The following FRMD3 variants were observed in gnomAD, a reference collection of about 807,000 sequenced individuals.
The protein encoded by FRMD3 is FERM domain-containing protein 3.
In FRMD3, 33 loss-of-function variants were observed where a neutral mutation model predicts 70.2. The ratio of observed to expected loss-of-function variants is 0.47; its 90% CI spans 0.36 to 0.63. The LOEUF is 0.63. Ranked by LOEUF, FRMD3 falls within the 20% of genes least tolerant of loss-of-function variation. The pLI is 0.00. For missense variants in FRMD3, 632 were observed against 711.4 expected (o/e 0.89, Z 1.27); for synonymous variants, 279 against 255.9 (o/e 1.09, Z -0.86).
At chr9:83,514,560 C>T (rs1829412753) in intron 1 of FRMD3, among the ~76,000 whole-genome samples, 1 of 152,204 alleles carries the variant, frequency 6.6e-6, no homozygotes, top group Admixed American at 6.5e-5. Context: ...AACGTTCCAG[C>T]CTGCCAACTC....
chr9:83,467,671 T>G (rs2131452480), intron 1 of FRMD3: 1 of 1,535,332 alleles, frequency 6.5e-7, no homozygotes, highest in East Asian at 2.4e-5. Flanking sequence ...CAAAAAGGAT[T>G]TGCAGTGCCG....
intron 1 of FRMD3, among the ~76,000 whole-genome samples, chr9:83,399,318 C>A (rs1405664374): frequency 6.6e-6 from 1 of 152,194 alleles, no homozygotes; most frequent in East Asian, 1.9e-4. Context: ...CTACTGCGTA[C>A]TGTGGCTTTC....
At chr9:83,347,206 A>G (rs1017640006) in intron 4 of FRMD3, among the ~76,000 whole-genome samples, 4 of 152,234 alleles carry the variant, frequency 2.6e-5, no homozygotes, top group Non-Finnish European at 2.9e-5. Context: ...GGCTGTGCCC[A>G]TATCAGTGAT....
At chr9:83,506,154 A>G (rs1371587975) in intron 1 of FRMD3, among the ~76,000 whole-genome samples, 3 of 152,318 alleles carry the variant, frequency 2.0e-5, no homozygotes, top group South Asian at 4.1e-4. Flanking sequence ...AAATTCCCAA[A>G]GCCTCTAAAT....
At chr9:83,544,160 G>C in the FRMD3 span, among the ~76,000 whole-genome samples, 8 of 152,210 alleles carry the variant, frequency 5.3e-5, no homozygotes, top group Non-Finnish European at 7.3e-5. Context: ...TTTCAGCAGA[G>C]AGCCACAGGA....
chr9:83,452,268 G>C (rs1345192397), intron 1 of FRMD3, among the ~76,000 whole-genome samples: 1 of 152,168 alleles, frequency 6.6e-6, no homozygotes, highest in African/African-American at 2.4e-5. Context: ...GAATGAGTTG[G>C]CCCGATCTCT....
the FRMD3 span, among the ~76,000 whole-genome samples, chr9:83,580,136 T>A: frequency 3.8e-3 from 576 of 152,080 alleles, 12 homozygotes; most frequent in Non-Finnish European, 9.4e-4. Flanking sequence ...AGATAACAAG[T>A]GTTGGTGAGG....
intron 1 of FRMD3, among the ~76,000 whole-genome samples, chr9:83,463,462 TAAAAGGGTGGAAAGCCCCTC>T (rs1828033135): frequency 6.6e-6 from 1 of 151,556 alleles, no homozygotes; most frequent in African/African-American, 2.4e-5. Flanking sequence ...AAAGAATGAG[TAAAAGGGTGGAAAGCCCCTC>T]ACAAAGCCAT....
chr9:83,399,483 T>C (rs1328883063), intron 1 of FRMD3, among the ~76,000 whole-genome samples: 2 of 90,178 alleles, frequency 2.2e-5, no homozygotes, highest in Non-Finnish European at 5.1e-5. Context: ...AGGTTCTTTC[T>C]TCTCCATCTT....
chr9:83,488,757 G>A (rs1318696121), intron 1 of FRMD3, among the ~76,000 whole-genome samples: 1 of 152,118 alleles, frequency 6.6e-6, no homozygotes, highest in Non-Finnish European at 1.5e-5. Context: ...AGGCCTAACT[G>A]GGACCATCAA....
intron 12 of FRMD3, among the ~76,000 whole-genome samples, chr9:83,295,872 A>G (rs1466942549): frequency 2.0e-5 from 3 of 152,174 alleles, no homozygotes; most frequent in South Asian, 2.1e-4. Flanking sequence ...CTTGTCATCA[A>G]TGATGATCAG....
At chr9:83,535,794 C>G (rs773800856) in intron 1 of FRMD3, among the ~76,000 whole-genome samples, 4 of 152,118 alleles carry the variant, frequency 2.6e-5, no homozygotes, top group Non-Finnish European at 5.9e-5. Context: ...CAGATGTGGG[C>G]TATGGAGAGA....
chr9:83,342,671 A>G (rs554943042), intron 5 of FRMD3, among the ~76,000 whole-genome samples: 1 of 148,574 alleles, frequency 6.7e-6, no homozygotes, highest in East Asian at 2.0e-4. Flanking sequence ...GATAGGATGG[A>G]TGGATGGATG....
At chr9:83,418,128 A>G (rs1322313416) in intron 1 of FRMD3, among the ~76,000 whole-genome samples, 1 of 151,904 alleles carries the variant, frequency 6.6e-6, no homozygotes, top group South Asian at 2.1e-4. Flanking sequence ...TGGGGGGGAT[A>G]TTTCAAATTA....
chr9:83,304,827 T>C (rs181755434), intron 10 of FRMD3, among the ~76,000 whole-genome samples: 2 of 152,112 alleles, frequency 1.3e-5, no homozygotes, highest in African/African-American at 4.8e-5. Context: ...AGACCACACA[T>C]GGTATAAAGG....
chr9:83,434,171 T>C lies in FRMD3; in HGVS notation c.148-44463A>G, dbSNP rs149670703. ...ATCAAATTCTCCCCAAACTAAAAAA[T>C]AAAGATTGCTCCTGGCTAGGTGTAC... On this transcript the variant is annotated intron_variant, in intron 1 of 13. Transcript: ENST00000304195. 2.8e-3 allele frequency among the ~76,000 whole-genome samples: 424 copies of C among 152,300 alleles called. 3 individuals carry two copies. The highest frequency in any genetic ancestry group is 0.01 in the Middle Eastern group (3 of 294).
At chr9:83,347,296 A>ATT (rs143564538) in intron 4 of FRMD3, among the ~76,000 whole-genome samples, 1 of 151,908 alleles carries the variant, frequency 6.6e-6, no homozygotes, top group Non-Finnish European at 1.5e-5. Context: ...AAGGATGCTC[A>ATT]TTTTTTTTAT....
chr9:83,559,785 T>A, the FRMD3 span, among the ~76,000 whole-genome samples: 5 of 152,204 alleles, frequency 3.3e-5, no homozygotes, highest in Non-Finnish European at 7.4e-5. Context: ...TATTTCTATA[T>A]ATAAATTATA....
At chr9:83,416,311 C>T (rs1826440364) in intron 1 of FRMD3, among the ~76,000 whole-genome samples, 1 of 152,228 alleles carries the variant, frequency 6.6e-6, no homozygotes, top group Admixed American at 6.5e-5. Flanking sequence ...TTGCGTTTCA[C>T]AAGCCTCCAT....
Sources: allele counts gnomAD v4.1 joint callset (sites outside exome capture counted in the v4.1 genomes callset), GRCh38; gene constraint gnomAD v4.1.1; transcripts MANE v1.5; gene names NCBI Gene and HGNC (gene_info 2026-07-23, HGNC 2026-07-21).